The following IRAK4 variants were observed in gnomAD, a reference collection of about 807,000 sequenced individuals.
The protein encoded by IRAK4 is interleukin 1 receptor associated kinase 4, also known as interleukin-1 receptor-associated kinase 4.
A neutral mutation model predicts 51.8 loss-of-function variants in IRAK4; 44 were observed. The ratio of observed to expected loss-of-function variants is 0.85; its 90% confidence interval spans 0.67 to 1.09. The LOEUF (loss-of-function observed/expected upper bound fraction) is 1.09, where lower values mean the gene tolerates loss of function less well. IRAK4 is among the 50% of genes least tolerant of loss of function. The pLI is 0.00. For missense variants in IRAK4, 487 were observed against 538.0 expected (o/e 0.91, Z 0.94); for synonymous variants, 149 against 174.1 (o/e 0.86, Z 1.13).
At position 43,772,194 on chromosome 12, in the gene IRAK4, A is replaced by G; in HGVS notation, c.322A>G (p.Thr108Ala). 2 of 1,613,242 alleles carry G rather than the reference A, an allele frequency of 1.2e-6. No homozygotes were observed. Among genetic ancestry groups the G allele is most frequent in the Non-Finnish European group, 1.7e-6 (2 of 1,179,684 alleles). Residue 108 changes from threonine (T) to alanine (A), a missense_variant, in exon 4 of 12, where the codon ACT becomes GCT. Physicochemically the swap from Thr to Ala is moderately conservative, Grantham distance 58 (BLOSUM62 0). Coordinates refer to ENST00000613694, the MANE Select transcript of IRAK4 (RefSeq NM_016123.4). ...TCATTTGTTAGATGCTGTTCCCAAAACTGCTAATACACTACCTTCTAAAGA... is the reference window on the plus strand; with the variant it reads ...TCATTTGTTAGATGCTGTTCCCAAAGCTGCTAATACACTACCTTCTAAAGA... Reference protein sequence around the residue: ...SLLLPDAVPKTANTLPSKEAI... With the variant: ...SLLLPDAVPKAANTLPSKEAI...
chr12:43,773,206 A>G, intron 5 of IRAK4, 134 bp downstream of exon 5: 2 of 878,198 alleles, frequency 2.3e-6, no homozygotes, highest in Non-Finnish European at 1.7e-6. Context: ...TCTAAATAGT[A>G]GTTCTTAAAA....
intron 6 of IRAK4, among the ~76,000 whole-genome samples, chr12:43,776,342 G>A (rs1355743363): frequency 1.3e-5 from 2 of 152,104 alleles, no homozygotes; most frequent in Non-Finnish European, 2.9e-5. Flanking sequence ...TTGCCACACT[G>A]CCTCGTTTAT....
At chr12:43,785,200 C>T (rs1942101608) in intron 10 of IRAK4, among the ~76,000 whole-genome samples, 1 of 152,072 alleles carries the variant, frequency 6.6e-6, no homozygotes, top group South Asian at 2.1e-4. Flanking sequence ...TAAAAGGGCC[C>T]TTCTTTTCCT....
intron 1 of IRAK4, among the ~76,000 whole-genome samples, chr12:43,767,663 T>C (rs1340900355): frequency 2.0e-5 from 3 of 151,890 alleles, no homozygotes; most frequent in Non-Finnish European, 2.9e-5. Context: ...TACCAAAGAA[T>C]GTTGCATAAA....
At chr12:43,771,635 T>G (rs1210594843) in intron 3 of IRAK4, among the ~76,000 whole-genome samples, 4 of 152,232 alleles carry the variant, frequency 2.6e-5, no homozygotes, top group Admixed American at 6.5e-5. Flanking sequence ...ACTTCTGGCT[T>G]AGGCTGTAAG....
At chr12:43,766,655 T>A (rs1940180617) in intron 1 of IRAK4, among the ~76,000 whole-genome samples, 3 of 152,210 alleles carry the variant, frequency 2.0e-5, no homozygotes, top group African/African-American at 7.2e-5. Flanking sequence ...AAAGCAGAGT[T>A]GTATGGCATG....
chr12:43,770,953 T>G, intron 2 of IRAK4: 1 of 616,024 alleles, frequency 1.6e-6, no homozygotes, highest in Admixed American at 2.2e-5. Context: ...TAGGCCCTAT[T>G]TTTCTTTTTC....
At chr12:43,777,492 A>T in intron 6 of IRAK4, 138 bp from the exon 7 acceptor site, 2 of 698,560 alleles carry the variant, frequency 2.9e-6, no homozygotes, top group Non-Finnish European at 4.4e-6. Context: ...ATATATAAAC[A>T]TAAACATCAA....
Position 43,785,662 on chromosome 12 carries a change from C to A in IRAK4, c.1189-737C>A, listed in dbSNP as rs1010351701. On this transcript the variant is annotated intron_variant, in intron 10 of 11. Coordinates refer to ENST00000613694, the MANE Select transcript of IRAK4 (RefSeq NM_016123.4). Reference sequence around the variant, plus strand: ...TTTATATATATATATATACACATACCCAGCCATGTGTTGCCTAATGACAGG... The same window carrying A: ...TTTATATATATATATATACACATACACAGCCATGTGTTGCCTAATGACAGG... 4.2e-5 allele frequency among the ~76,000 whole-genome samples: 6 copies of A among 144,562 alleles called. No homozygotes were observed. The South Asian group carries it at 1.3e-3, about 32-fold the overall frequency. The allele number at this position is 144,562 out of a possible 152,430, so 94.8% of individuals were successfully genotyped here. A position where few individuals can be genotyped will look rare whatever the true frequency, so the allele number is the denominator to read the frequency against.
intron 2 of IRAK4, chr12:43,768,534 C>G (rs1186327358): frequency 3.2e-6 from 1 of 313,442 alleles, no homozygotes; most frequent in African/African-American, 2.1e-5. Flanking sequence ...CTGTGGTTCC[C>G]TGTTTGGCAA....
chr12:43,784,594 C>T (rs1041875670), intron 10 of IRAK4, among the ~76,000 whole-genome samples: 5 of 152,180 alleles, frequency 3.3e-5, no homozygotes, highest in Admixed American at 1.3e-4. Context: ...AGTTTTCCAT[C>T]GTTTTGCCTA....
At chr12:43,771,397 T>G in intron 3 of IRAK4, 32 bp downstream of exon 3, 1 of 1,609,794 alleles carries the variant, frequency 6.2e-7, no homozygotes, top group Non-Finnish European at 8.5e-7. Flanking sequence ...TGTCCACAAT[T>G]AGGGTGGAAA....
At position 43,786,524 on chromosome 12, in the gene IRAK4, T is replaced by A; in HGVS notation, c.1314T>A (p.His438Gln). Residue 438 changes from histidine (H) to glutamine (Q), a missense_variant, in exon 11 of 12, where the codon CAT becomes CAA. Transcript: ENST00000613694. ...AMYSVASQCLHEKKNKRPDIK... is the reference protein window; with the variant it reads ...AMYSVASQCLQEKKNKRPDIK... ...ACTCTGTTGCTAGTCAATGTCTGCA[T>A]GAAAAGAAAAATAAGAGACCAGACA... is the stretch of plus-strand genomic sequence containing the variant. 1 of 1,613,538 alleles carries A rather than the reference T, an allele frequency of 6.2e-7. No individual in the cohort carries two copies. Among genetic ancestry groups the A allele is most frequent in the Non-Finnish European group, 8.5e-7 (1 of 1,179,804 alleles).
chr12:43,769,182 G>T (rs1940487448), intron 2 of IRAK4, among the ~76,000 whole-genome samples: 2 of 151,680 alleles, frequency 1.3e-5, no homozygotes, highest in Admixed American at 6.6e-5. Flanking sequence ...TCCTGTGACA[G>T]AAAAAGCTTT....
At chr12:43,761,515 A>G (rs890702869) in intron 1 of IRAK4, among the ~76,000 whole-genome samples, 2 of 151,264 alleles carry the variant, frequency 1.3e-5, no homozygotes, top group African/African-American at 4.9e-5. Flanking sequence ...GGCCCTTTGC[A>G]TGTGTTGATT....
intron 6 of IRAK4, among the ~76,000 whole-genome samples, chr12:43,774,595 C>T (rs1046984369): frequency 3.3e-5 from 5 of 152,202 alleles, no homozygotes; most frequent in Admixed American, 6.5e-5. Context: ...ACTATCATGT[C>T]CTTCATTATC....
intron 8 of IRAK4, among the ~76,000 whole-genome samples, chr12:43,780,864 C>T (rs1024619455): frequency 4.6e-5 from 7 of 152,168 alleles, no homozygotes; most frequent in Admixed American, 2.6e-4. Flanking sequence ...AGCCACCCGC[C>T]TGGCCTCTCT....
chr12:43,778,411 T>C lies in IRAK4; in HGVS notation c.941+109T>C, dbSNP rs183310179. 6.3e-4 allele frequency: 445 copies of C among 702,960 alleles called. 2 individuals carry two copies. In the African/African-American group the frequency reaches 6.3e-3, roughly 10 times the overall value. The allele number at this position is 702,960 out of a possible 1,614,324, so 43.5% of individuals were successfully genotyped here. On this transcript the variant is annotated intron_variant, in intron 8 of 11. Transcript: ENST00000613694. ...TCTTAACCTAGAGCATCTGGACTTT[T>C]TTCCCATCACTCCATGAAAGCTCTT...
At chr12:43,777,909 A>T (rs947610989) in intron 7 of IRAK4, among the ~76,000 whole-genome samples, 165 bp downstream of exon 7, 21 of 152,338 alleles carry the variant, frequency 1.4e-4, no homozygotes, top group African/African-American at 4.1e-4. Flanking sequence ...TGATATGTCA[A>T]CAACTGGGTT....
Sources: allele counts gnomAD v4.1 joint callset (sites outside exome capture counted in the v4.1 genomes callset), GRCh38; gene constraint gnomAD v4.1.1; transcripts MANE v1.5; gene names NCBI Gene and HGNC (gene_info 2026-07-23, HGNC 2026-07-21).